Variants in NEB observed in about 807,000 individuals in gnomAD.
The protein encoded by NEB is nebulin, also known as nemaline myopathy type 2.
NEB carries 512 observed loss-of-function variants against 952.2 expected under a neutral mutation model. The ratio of observed to expected loss-of-function variants is 0.54; its 90% CI spans 0.50 to 0.58. The LOEUF (loss-of-function observed/expected upper bound fraction) is 0.58, where lower values mean the gene tolerates loss of function less well. Among genes scored for constraint, NEB ranks in the 20% least tolerant of loss-of-function variants. NEB has a pLI of 0.00. For synonymous variants in NEB, 2,900 were observed against 3,149.8 expected (o/e 0.92, Z 2.66); for missense variants, 8,428 against 9,231.1 (o/e 0.91, Z 3.56).
At chr2:151,612,109 C>T in intron 78 of NEB, 77 bp downstream of exon 78, 2 of 1,476,216 alleles carry the variant, frequency 1.4e-6, no homozygotes, top group Admixed American at 1.7e-5. Flanking sequence ...TCAGGGAATC[C>T]TTAGGGAATT....
At chr2:151,568,785 A>G in intron 110 of NEB, 69 bp from the exon 111 acceptor site, 2 of 1,096,798 alleles carry the variant, frequency 1.8e-6, no homozygotes, top group Non-Finnish European at 2.6e-6. Flanking sequence ...AAGATACACT[A>G]AATTTAGAGT....
At chr2:151,723,801 T>C (rs1324101902) in intron 8 of NEB, among the ~76,000 whole-genome samples, 1 of 143,460 alleles carries the variant, frequency 7.0e-6, no homozygotes, top group Non-Finnish European at 1.5e-5. Flanking sequence ...TGTTTATTAA[T>C]AGCACTTACA....
intron 114 of NEB, 69 bp downstream of exon 114, chr2:151,567,099 G>A (rs2096439092): frequency 7.5e-7 from 1 of 1,334,022 alleles, no homozygotes; most frequent in Non-Finnish European, 1.0e-6. Flanking sequence ...TTGTGGATCT[G>A]GGATGTTGCT....
chr2:151,578,316 A>G (rs2096956482), intron 105 of NEB, among the ~76,000 whole-genome samples: 1 of 146,182 alleles, frequency 6.8e-6, no homozygotes, highest in Admixed American at 6.8e-5. Context: ...GTGTGCTGCT[A>G]ACTTTTCAAA....
chr2:151,551,594 T>C, intron 129 of NEB, 144 bp downstream of exon 129: 1 of 655,528 alleles, frequency 1.5e-6, no homozygotes, highest in Non-Finnish European at 2.7e-6. Flanking sequence ...AGATAGATTA[T>C]GCTCTGTGTT....
At position 151,696,705 on chromosome 2, in the gene NEB, T is replaced by G; in HGVS notation, c.1501A>C (p.Lys501Gln). 6.2e-7 allele frequency: 1 copy of G among 1,613,880 alleles called. No individual in the cohort carries two copies. Residue 501 changes from lysine (K) to glutamine (Q), a missense_variant, in exon 17 of 182, where the codon AAA becomes CAA. Physicochemically the swap from Lys to Gln is moderately conservative, Grantham distance 53. Transcript: ENST00000397345. ...GGAGAGTCTGTAACTTGGGTGAATTTTGTCTTATCTGGATGGACTTTGTAG... is the reference window on the plus strand; with the variant it reads ...GGAGAGTCTGTAACTTGGGTGAATTGTGTCTTATCTGGATGGACTTTGTAG... ...HTYKVHPDKT[K>Q]FTQVTDSPVL...
At chr2:151,516,377 G>A (rs2077707162) in intron 157 of NEB, 82 bp downstream of exon 157, 2 of 900,166 alleles carry the variant, frequency 2.2e-6, no homozygotes, top group African/African-American at 1.7e-5. Context: ...TTGGATGACA[G>A]GAAACTGGCC....
intron 58 of NEB, 90 bp downstream of exon 58, chr2:151,643,060 C>G (rs1440695652): frequency 7.2e-7 from 1 of 1,395,344 alleles, no homozygotes; most frequent in Admixed American, 2.0e-5. Context: ...GCAAAGGAAT[C>G]AAAAACAAGT....
At chr2:151,640,694 T>A in intron 60 of NEB, 28 bp from the exon 61 acceptor site, 1 of 1,594,598 alleles carries the variant, frequency 6.3e-7, no homozygotes, top group South Asian at 1.1e-5. Flanking sequence ...CAGATAGTCA[T>A]CTGTTTTAAC....
At chr2:151,508,980 T>TTAAC (rs1241136419) in intron 161 of NEB, among the ~76,000 whole-genome samples, 1 of 152,258 alleles carries the variant, frequency 6.6e-6, no homozygotes, top group Non-Finnish European at 1.5e-5. Flanking sequence ...TCTCTCTAGC[T>TTAAC]TAACTTAGCT....
chr2:151,498,651 G>A (rs2062035997), intron 169 of NEB, among the ~76,000 whole-genome samples: 2 of 152,122 alleles, frequency 1.3e-5, no homozygotes, highest in African/African-American at 2.4e-5. Context: ...TTCCCACCTT[G>A]TTACAAGGAG....
chr2:151,697,768 TA>T lies in NEB; in HGVS notation c.1153-121del, dbSNP rs376876225. On this transcript the variant is annotated intron_variant, in intron 13 of 181. Coordinates refer to ENST00000397345, the MANE Select transcript of NEB (RefSeq NM_001164508.2). The stretch of plus-strand genomic sequence containing the variant: ...AAAAGATATCGCCTGTCAACTGTCT[TA>T]AAAACTGACAATTGAGGCCAGGTGC... The T allele has an allele frequency of 2.0e-4, 141 of 720,994 alleles. No homozygotes were observed. The African/African-American group carries it at 2.3e-3, about 12-fold the overall frequency. 44.7% of individuals were successfully genotyped at this position (720,994 alleles called of 1,614,324 possible). A position where few individuals can be genotyped will look rare whatever the true frequency, so the allele number is the denominator to read the frequency against.
intron 160 of NEB, among the ~76,000 whole-genome samples, 167 bp from the exon 161 acceptor site, chr2:151,513,004 T>A (rs1276682485): frequency 6.6e-6 from 1 of 151,998 alleles, no homozygotes; most frequent in African/African-American, 2.4e-5. Context: ...TACCAAAGAG[T>A]GAGATTCAGT....
rs556560430 is a variant in NEB, at chr2:151,513,804, A to G, written c.23128-111T>C. On this transcript the variant is annotated intron_variant, in intron 159 of 181. Transcript: ENST00000397345. ...ACACGCCACCCCAGTTGTCACAGAT[A>G]GTGTCGCTTGCTACTCTTCACCTTC... 1.2e-4 allele frequency: 89 copies of G among 757,740 alleles called. 2 individuals carry two copies. In the South Asian group the frequency reaches 1.4e-3, roughly 12 times the overall value. The allele number at this position is 757,740 out of a possible 1,614,324, so 46.9% of individuals were successfully genotyped here. A position where few individuals can be genotyped will look rare whatever the true frequency, so the allele number is the denominator to read the frequency against.
chr2:151,606,770 C>G, intron 83 of NEB, 57 bp from the exon 84 acceptor site: 1 of 474,100 alleles, frequency 2.1e-6, no homozygotes, highest in South Asian at 1.9e-5. Context: ...CAAATTTACT[C>G]AAATTTGTCA....
chr2:151,490,963 C>T (rs2152791114), intron 179 of NEB, among the ~76,000 whole-genome samples: 1 of 152,278 alleles, frequency 6.6e-6, no homozygotes, highest in African/African-American at 2.4e-5. Flanking sequence ...CAGAATGCAA[C>T]CATGGATTTA....
At chr2:151,634,724 A>C (rs779597542) in intron 64 of NEB, among the ~76,000 whole-genome samples, 1 of 151,998 alleles carries the variant, frequency 6.6e-6, no homozygotes, top group South Asian at 2.1e-4. Flanking sequence ...ACCGAGGAGA[A>C]TTTATTATTA....
Position 151,518,326 on chromosome 2 carries a change from G to T in NEB, c.22792C>A (p.Gln7598Lys), listed in dbSNP as rs752267876. 3 of 1,600,914 alleles carry T rather than the reference G, an allele frequency of 1.9e-6. No individual in the cohort carries two copies. The highest frequency in any genetic ancestry group is 2.6e-6 in the Non-Finnish European group (3 of 1,168,146). Residue 7598 changes from glutamine to lysine, a missense_variant, in exon 156 of 182, where the codon CAG becomes AAG. By Grantham distance (53) the Gln-to-Lys change is moderately conservative. Around this residue, in one of 11 missense-constraint regions of NEB, gnomAD observed 3,374 missense variants for 3,651.5 expected, o/e 0.92. Coordinates refer to ENST00000397345, the MANE Select transcript of NEB (RefSeq NM_001164508.2). ...QLHLKEATEL[Q>K]SIVKYKEKYE... ...GGTCTTGATCCACTTACTATACTCT[G>T]TAATTCTGTGGCCTCTTTTAGGTGA... is the stretch of plus-strand genomic sequence containing the variant.
chr2:151,621,426 C>G (rs1350881735), intron 71 of NEB, among the ~76,000 whole-genome samples: 1 of 152,150 alleles, frequency 6.6e-6, no homozygotes, highest in Non-Finnish European at 1.5e-5. Context: ...AATACTACCA[C>G]TAGGAGGATG....
Sources: allele counts gnomAD v4.1 joint callset (sites outside exome capture counted in the v4.1 genomes callset), GRCh38; gene constraint gnomAD v4.1.1; regional missense constraint gnomAD v4.1.1; transcripts MANE v1.5; gene names NCBI Gene and HGNC (gene_info 2026-07-23, HGNC 2026-07-21).